The following VPS45 variants were observed in gnomAD, a reference collection of about 807,000 sequenced individuals.
VPS45 encodes vacuolar protein sorting-associated protein 45.
A neutral mutation model predicts 75.9 loss-of-function variants in VPS45; 35 were observed. The ratio of observed to expected loss-of-function variants is 0.46; its 90% CI spans 0.35 to 0.61. VPS45 has a LOEUF of 0.61. VPS45 is among the 20% of genes least tolerant of loss of function. The pLI, the probability that VPS45 is intolerant of heterozygous loss-of-function variation, is 0.00. For missense variants in VPS45, 559 were observed against 685.9 expected (o/e 0.81, Z 2.07); for synonymous variants, 220 against 238.2 (o/e 0.92, Z 0.70).
chr1:150,113,703 C>T (rs1016572867), intron 14 of VPS45, among the ~76,000 whole-genome samples: 3 of 151,816 alleles, frequency 2.0e-5, no homozygotes, highest in Non-Finnish European at 2.9e-5. Flanking sequence ...TGAGACCAGC[C>T]TGGCCAACAT....
chr1:150,114,917 A>AAC (rs1258890598), intron 14 of VPS45, among the ~76,000 whole-genome samples: 1 of 151,076 alleles, frequency 6.6e-6, no homozygotes, highest in Non-Finnish European at 1.5e-5. Context: ...AAAAAAAAAA[A>AAC]AACTTTAGTA....
intron 13 of VPS45, chr1:150,099,118 G>C (rs1656826321): frequency 1.0e-6 from 1 of 964,088 alleles, no homozygotes; most frequent in Non-Finnish European, 1.2e-6. Flanking sequence ...AGCCATAAGT[G>C]TAATGCTCCA....
rs918155613 is a variant in VPS45, at chr1:150,113,305, A to G, written c.1625+2678A>G. On this transcript the variant is annotated intron_variant, in intron 14 of 14. Coordinates refer to ENST00000644510, the MANE Select transcript of VPS45 (RefSeq NM_007259.5). ...TAGGAGCTCTGTGCCAAGAATGGGGACAAAGACCAAATATCTTTCTGTGAT... is the reference window on the plus strand; with the variant it reads ...TAGGAGCTCTGTGCCAAGAATGGGGGCAAAGACCAAATATCTTTCTGTGAT... Among the ~76,000 whole-genome samples, 40 of 152,186 alleles carry G rather than the reference A, an allele frequency of 2.6e-4. 1 individual carries two copies. Among genetic ancestry groups the G allele is most frequent in the Non-Finnish European group, 7.3e-5 (5 of 68,032 alleles).
At chr1:150,099,663 C>A (rs1278569978) in intron 13 of VPS45, among the ~76,000 whole-genome samples, 1 of 151,714 alleles carries the variant, frequency 6.6e-6, no homozygotes, top group African/African-American at 2.4e-5. Flanking sequence ...AAAACCCTGT[C>A]TCTACTAAAA....
chr1:150,137,073 A>G (rs955959464), intron 14 of VPS45, among the ~76,000 whole-genome samples: 20 of 151,914 alleles, frequency 1.3e-4, no homozygotes, highest in African/African-American at 4.6e-4. Context: ...TAATTTTTGT[A>G]TTTTTTTGTA....
intron 13 of VPS45, among the ~76,000 whole-genome samples, chr1:150,097,544 C>A (rs1425107275): frequency 2.0e-5 from 3 of 151,546 alleles, no homozygotes; most frequent in Non-Finnish European, 2.9e-5. Flanking sequence ...CATGGTGAAA[C>A]CCTGTCTCTA....
intron 14 of VPS45, among the ~76,000 whole-genome samples, chr1:150,120,864 CTTTTTTTTTTTT>C (rs370159689): frequency 1.2e-5 from 1 of 86,062 alleles, no homozygotes; most frequent in Non-Finnish European, 2.4e-5. Flanking sequence ...TAGCAACATT[CTTTTTTTTTTTT>C]TTTTTTTTTG....
In VPS45 at chr1:150,117,956, T is replaced by C. The variant is rs111315913; in HGVS notation, c.1625+7329T>C. Among the ~76,000 whole-genome samples, 1,369 of 152,172 alleles carry C rather than the reference T, an allele frequency of 9.0e-3. 8 individuals are homozygous for C. Among genetic ancestry groups the C allele is most frequent in the Non-Finnish European group, 0.013 (913 of 67,996 alleles). ...TAGTCATAGTACATACAAAAATACA[T>C]GTTTTAGATGTGTTTGACTAATTAA... On this transcript the variant is annotated intron_variant, in intron 14 of 14. Transcript: ENST00000644510.
intron 5 of VPS45, 54 bp downstream of exon 5, chr1:150,077,038 A>T (rs946242081): frequency 6.2e-7 from 1 of 1,613,124 alleles, no homozygotes; most frequent in Non-Finnish European, 8.5e-7. Context: ...GCAAATAATT[A>T]GACTTGTAAG....
intron 3 of VPS45, among the ~76,000 whole-genome samples, chr1:150,072,672 A>AAAAAT (rs1198741898): frequency 0.047 from 6,702 of 142,474 alleles, 689 homozygotes; most frequent in African/African-American, 0.17. Flanking sequence ...AAAAAAAAAT[A>AAAAAT]CTTTTGACCA....
chr1:150,068,243 G>A, intron 1 of VPS45: 4 of 448,952 alleles, frequency 8.9e-6, no homozygotes, highest in Admixed American at 4.0e-5. Context: ...GAAGGCTTTG[G>A]GATGGGCCTA....
In VPS45 at chr1:150,108,282, C is replaced by G. The variant is rs1321424859; in HGVS notation, c.1494-2214C>G. 2.6e-5 allele frequency among the ~76,000 whole-genome samples: 4 copies of G among 152,060 alleles called. No homozygotes were observed. In the East Asian group the frequency reaches 5.8e-4, roughly 22 times the overall value. On this transcript the variant is annotated intron_variant, in intron 13 of 14. Transcript: ENST00000644510. ...GAACCATCAGCAGATGTATTTACAA[C>G]CAAAAAATGGTGTGATTATCCAGGG...
chr1:150,121,153 C>T (rs1273149539), intron 14 of VPS45, among the ~76,000 whole-genome samples: 1 of 151,922 alleles, frequency 6.6e-6, no homozygotes, highest in Non-Finnish European at 1.5e-5. Context: ...CCATGCCCTG[C>T]CCTCCTTAGC....
intron 14 of VPS45, 146 bp downstream of exon 14, chr1:150,110,773 A>G: frequency 2.4e-6 from 2 of 824,240 alleles, no homozygotes; most frequent in Non-Finnish European, 3.5e-6. Context: ...AGAATAATTT[A>G]AGAATTTGTG....
At position 150,123,823 on chromosome 1, in the gene VPS45, C is replaced by T. The variant is rs189244612; in HGVS notation, c.1625+13196C>T. On this transcript the variant is annotated intron_variant, in intron 14 of 14. Coordinates refer to ENST00000644510, the MANE Select transcript of VPS45 (RefSeq NM_007259.5). ...AGGGTGGCTAGGTGAATTCATTAGC[C>T]AATAGCGCTGCCATTGCTTGAACAC... 4.6e-5 allele frequency among the ~76,000 whole-genome samples: 7 copies of T among 152,244 alleles called. No individual in the cohort carries two copies. The East Asian group carries it at 1.2e-3, about 25-fold the overall frequency.
chr1:150,086,129 T>C (rs966342410), intron 10 of VPS45, among the ~76,000 whole-genome samples: 2 of 152,080 alleles, frequency 1.3e-5, no homozygotes, highest in Non-Finnish European at 2.9e-5. Context: ...AAATATTTAT[T>C]AGAAAAATGA....
At chr1:150,136,413 G>T (rs1026136432) in intron 14 of VPS45, among the ~76,000 whole-genome samples, 5 of 151,844 alleles carry the variant, frequency 3.3e-5, no homozygotes, top group Non-Finnish European at 7.4e-5. Flanking sequence ...AAATTAGCTG[G>T]GCATGGTGGT....
At chr1:150,105,557 G>T (rs1005896791) in intron 13 of VPS45, among the ~76,000 whole-genome samples, 4 of 152,084 alleles carry the variant, frequency 2.6e-5, no homozygotes, top group Non-Finnish European at 4.4e-5. Context: ...ATTTAACCAA[G>T]GAGGTGAAAG....
chr1:150,067,614 G>T, upstream of VPS45: 1 of 503,026 alleles, frequency 2.0e-6, no homozygotes, highest in Non-Finnish European at 3.5e-6. Context: ...CAGGTGGGTG[G>T]AGAATAACGC....
Sources: gnomAD v4.1 joint callset for allele counts (sites outside exome capture counted in the v4.1 genomes callset) on GRCh38, gnomAD v4.1.1 for gene constraint, MANE v1.5 for transcripts, NCBI Gene and HGNC (gene_info 2026-07-23, HGNC 2026-07-21) for gene names.